FNIP1: variants seen among roughly 807,000 people sequenced by gnomAD.
The protein encoded by FNIP1 is folliculin interacting protein 1, also known as folliculin-interacting protein 1.
FNIP1 carries 40 observed loss-of-function variants against 124.5 expected under a neutral mutation model. The observed-to-expected ratio is 0.32, with a 90% CI of 0.25 to 0.42. The LOEUF (loss-of-function observed/expected upper bound fraction) is 0.42, where lower values mean the gene tolerates loss of function less well. FNIP1 is among the 10% of genes least tolerant of loss of function. The pLI, the probability that FNIP1 is intolerant of heterozygous loss-of-function variation, is 1.00. For missense variants in FNIP1, 1,176 were observed against 1,403.7 expected (o/e 0.84, Z 2.59); for synonymous variants, 472 against 470.6 (o/e 1.00, Z -0.04).
intron 1 of FNIP1, among the ~76,000 whole-genome samples, chr5:131,757,115 G>C (rs1182758662): frequency 6.6e-6 from 1 of 152,148 alleles, no homozygotes; most frequent in Non-Finnish European, 1.5e-5. Flanking sequence ...AGAAAAGGAA[G>C]TATAAAACAA....
chr5:131,645,740 AG>A (rs1322305859), intron 17 of FNIP1, among the ~76,000 whole-genome samples: 1 of 152,236 alleles, frequency 6.6e-6, no homozygotes, highest in Non-Finnish European at 1.5e-5. Flanking sequence ...ACTGGTTTAT[AG>A]TAGCAAAAAA....
At chr5:131,737,538 T>G (rs185776766) in intron 2 of FNIP1, among the ~76,000 whole-genome samples, 124 of 152,320 alleles carry the variant, frequency 8.1e-4, no homozygotes, top group Non-Finnish European at 1.4e-3. Context: ...CCCCATAGTC[T>G]AAGCTTAAAA....
Position 131,771,247 on chromosome 5 carries a change from T to TA in FNIP1, c.92+25582dup, listed in dbSNP as rs577131624. Among the ~76,000 whole-genome samples the TA allele has an allele frequency of 2.7e-3, 412 of 152,350 alleles. 2 individuals are homozygous for TA. The highest frequency in any genetic ancestry group is 3.9e-3 in the Non-Finnish European group (267 of 68,034). The stretch of plus-strand genomic sequence containing the variant: ...ATGCTTTCTACATTATGATTGTCTG[T>TA]ACCTCTAGTCTGATACTAAAACTTC... On this transcript the variant is annotated intron_variant, in intron 1 of 17. Coordinates refer to ENST00000510461, the MANE Select transcript of FNIP1 (RefSeq NM_133372.3).
chr5:131,666,074 A>C (rs1387077174), intron 15 of FNIP1, among the ~76,000 whole-genome samples: 1 of 151,188 alleles, frequency 6.6e-6, no homozygotes, highest in African/African-American at 2.4e-5. Context: ...TTTTTAGCAG[A>C]GATGAGGTTT....
rs529319364 is a variant in FNIP1 at position 131,668,089 on chromosome 5, A to T, written c.3108+2374T>A. Reference sequence around the variant, plus strand: ...CACGGACATAAAAGACTTAATTAAGACTATTATCTAAAGGTTATCTAACTT... The same window carrying T: ...CACGGACATAAAAGACTTAATTAAGTCTATTATCTAAAGGTTATCTAACTT... On this transcript the variant is annotated intron_variant, in intron 15 of 17. Coordinates refer to ENST00000510461, the MANE Select transcript of FNIP1 (RefSeq NM_133372.3). Among the ~76,000 whole-genome samples the T allele has an allele frequency of 3.3e-5, 5 of 152,322 alleles. No homozygotes were observed. In the South Asian group the frequency reaches 1.0e-3, roughly 32 times the overall value.
intron 11 of FNIP1, among the ~76,000 whole-genome samples, chr5:131,693,333 C>T (rs251013): frequency 0.21 from 10,319 of 48,472 alleles, 1,605 homozygotes; most frequent in Non-Finnish European, 0.3. Flanking sequence ...TATATATATA[C>T]ATATATATAT....
chr5:131,740,656 C>T (rs547847984), intron 2 of FNIP1, among the ~76,000 whole-genome samples: 25 of 152,162 alleles, frequency 1.6e-4, no homozygotes, highest in Non-Finnish European at 2.5e-4. Flanking sequence ...TTTTCTACCA[C>T]GGGAAGGTTC....
chr5:131,787,898 G>C (rs1772270287), intron 1 of FNIP1, among the ~76,000 whole-genome samples: 1 of 152,126 alleles, frequency 6.6e-6, no homozygotes. Context: ...ACTGCTCGAA[G>C]TGAAGTTTGA....
intron 1 of FNIP1, among the ~76,000 whole-genome samples, chr5:131,765,231 A>G (rs1458703568): frequency 6.6e-6 from 1 of 152,092 alleles, no homozygotes; most frequent in Non-Finnish European, 1.5e-5. Context: ...GCGGGGGAAA[A>G]AAAAAAGCAT....
chr5:131,678,014 T>C, intron 12 of FNIP1, 142 bp from the exon 13 acceptor site: 1 of 697,932 alleles, frequency 1.4e-6, no homozygotes. Context: ...GAGGAAAGGA[T>C]GAGTATATAA....
chr5:131,732,177 C>A (rs990139155), intron 2 of FNIP1, among the ~76,000 whole-genome samples: 5 of 152,158 alleles, frequency 3.3e-5, no homozygotes, highest in African/African-American at 1.2e-4. Flanking sequence ...ATCACAGTTA[C>A]CAGTATGTCC....
chr5:131,652,145 AT>A (rs1767058027), intron 15 of FNIP1, 146 bp from the exon 16 acceptor site: 1 of 671,616 alleles, frequency 1.5e-6, no homozygotes, highest in African/African-American at 1.8e-5. Flanking sequence ...AAGAAGAATA[AT>A]TAACTCATTA....
intron 3 of FNIP1, among the ~76,000 whole-genome samples, chr5:131,722,623 C>T (rs777830691): frequency 6.6e-5 from 10 of 152,118 alleles, no homozygotes; most frequent in Non-Finnish European, 1.3e-4. Context: ...AATATTTGTA[C>T]TTTTCTTTAA....
At chr5:131,687,343 T>C (rs985222983) in intron 11 of FNIP1, among the ~76,000 whole-genome samples, 31 of 152,124 alleles carry the variant, frequency 2.0e-4, no homozygotes, top group African/African-American at 6.3e-4. Flanking sequence ...TGGACTCAAA[T>C]GATCCACCTA....
At chr5:131,794,229 T>TAAAA (rs60617618) in intron 1 of FNIP1, among the ~76,000 whole-genome samples, 5 of 48,446 alleles carry the variant, frequency 1.0e-4, no homozygotes, top group Admixed American at 2.5e-4. Context: ...AGACTCCATC[T>TAAAA]AAAAAAAAAA....
At chr5:131,780,770 T>G (rs1771970301) in intron 1 of FNIP1, among the ~76,000 whole-genome samples, 1 of 152,026 alleles carries the variant, frequency 6.6e-6, no homozygotes. Context: ...TCCTCATCTC[T>G]CCCCCTTTCC....
intron 12 of FNIP1, among the ~76,000 whole-genome samples, chr5:131,678,123 TA>T (rs1277965601): frequency 1.3e-5 from 2 of 152,222 alleles, no homozygotes; most frequent in Non-Finnish European, 2.9e-5. Flanking sequence ...TTGCAGATCG[TA>T]AGTACAAAAC....
intron 1 of FNIP1, among the ~76,000 whole-genome samples, chr5:131,781,336 T>G (rs969403645): frequency 6.6e-6 from 1 of 152,190 alleles, no homozygotes; most frequent in Non-Finnish European, 1.5e-5. Context: ...AATAACAGAT[T>G]ATCAGTGTAG....
At chr5:131,732,709 C>A (rs1406025606) in intron 2 of FNIP1, among the ~76,000 whole-genome samples, 1 of 152,196 alleles carries the variant, frequency 6.6e-6, no homozygotes, top group African/African-American at 2.4e-5. Flanking sequence ...GGTACCAGCA[C>A]CATGCTGTTT....
Sources: gnomAD v4.1 joint callset for allele counts (sites outside exome capture counted in the v4.1 genomes callset) on GRCh38, gnomAD v4.1.1 for gene constraint, MANE v1.5 for transcripts, NCBI Gene and HGNC (gene_info 2026-07-23, HGNC 2026-07-21) for gene names.